FMN1: variants seen among roughly 807,000 people sequenced by gnomAD.
FMN1 encodes the protein formin-1.
A neutral mutation model predicts 132.4 loss-of-function variants in FMN1; 110 were observed. The ratio of observed to expected loss-of-function variants is 0.83; its 90% confidence interval spans 0.71 to 0.97. The LOEUF is 0.97. FMN1 is among the 50% of genes least tolerant of loss of function. The pLI, the probability that FMN1 is intolerant of heterozygous loss-of-function variation, is 0.00. For synonymous variants in FMN1, 722 were observed against 651.7 expected, an observed-to-expected ratio of 1.11 and a Z score of -1.64; for missense variants, 1,792 against 1,705.3, an observed-to-expected ratio of 1.05 and a Z score of -0.90.
At chr15:32,992,803 A>T (rs56284807) in intron 7 of FMN1, among the ~76,000 whole-genome samples, 3,283 of 152,300 alleles carry the variant, frequency 0.022, 127 homozygotes, top group African/African-American at 0.071. Context: ...AGACCATAAC[A>T]ATCAATAGTG....
At chr15:32,976,526 G>C (rs1278076735) in intron 7 of FMN1, among the ~76,000 whole-genome samples, 1 of 152,094 alleles carries the variant, frequency 6.6e-6, no homozygotes, top group African/African-American at 2.4e-5. Context: ...ATGGCATTGG[G>C]TTTGATGAGA....
chr15:32,846,979 C>G (rs4780043), intron 17 of FMN1, among the ~76,000 whole-genome samples: 10,358 of 152,160 alleles, frequency 0.068, 485 homozygotes, highest in Non-Finnish European at 0.11. Context: ...AAAGAAAGAG[C>G]CTGACTGACT....
At chr15:32,822,532 C>G (rs961068760) in intron 17 of FMN1, among the ~76,000 whole-genome samples, 3 of 151,880 alleles carry the variant, frequency 2.0e-5, no homozygotes, top group African/African-American at 7.3e-5. Context: ...TTTCCTGCAT[C>G]CAGTGTTGCT....
chr15:33,126,431 A>G (rs867720895), intron 4 of FMN1, among the ~76,000 whole-genome samples: 1 of 152,038 alleles, frequency 6.6e-6, no homozygotes, highest in Non-Finnish European at 1.5e-5. Flanking sequence ...GTGAGAGGAG[A>G]AGGTGGGTGC....
At position 33,052,544 on chromosome 15, in the gene FMN1, A is replaced by ACAATT. The variant is rs375986535; in HGVS notation, c.2161+12408_2161+12412dup. Among the ~76,000 whole-genome samples the ACAATT allele has an allele frequency of 3.9e-3, 594 of 152,282 alleles. 5 individuals carry two copies. Among genetic ancestry groups the ACAATT allele is most frequent in the African/African-American group, 0.013 (527 of 41,546 alleles). ...TTCTCTGATGTCAACTGGGTGTCCT[A>ACAATT]CAATTCAATTCAATTCAATTCAATT... is the stretch of plus-strand genomic sequence containing the variant. On this transcript the variant is annotated intron_variant, in intron 6 of 20. Coordinates refer to ENST00000616417, the MANE Select transcript of FMN1 (RefSeq NM_001277313.2).
At chr15:33,050,990 A>T (rs1410607595) in intron 6 of FMN1, among the ~76,000 whole-genome samples, 5 of 152,174 alleles carry the variant, frequency 3.3e-5, no homozygotes, top group Non-Finnish European at 7.3e-5. Flanking sequence ...ACTTGTGTGG[A>T]AATATTTTGT....
At position 32,909,146 on chromosome 15, in the gene FMN1, G is replaced by T. The variant is rs1286038273; in HGVS notation, c.3289-568C>A. Among the ~76,000 whole-genome samples the T allele has an allele frequency of 2.6e-5, 4 of 152,126 alleles. No homozygotes were observed. In the East Asian group the frequency reaches 7.7e-4, roughly 29 times the overall value. Reference sequence around the variant, plus strand: ...TTATCTCTACTGTGAGCTAACAAGCGGCAACCATGTGCTTAGTCCTGAGCT... The same window carrying T: ...TTATCTCTACTGTGAGCTAACAAGCTGCAACCATGTGCTTAGTCCTGAGCT... On this transcript the variant is annotated intron_variant, in intron 11 of 20. Transcript: ENST00000616417.
At chr15:33,043,443 A>G (rs551270355) in intron 6 of FMN1, among the ~76,000 whole-genome samples, 4 of 152,164 alleles carry the variant, frequency 2.6e-5, no homozygotes, top group Admixed American at 1.3e-4. Context: ...TTTCCTGTAC[A>G]TCACTTGCCT....
intron 3 of FMN1, among the ~76,000 whole-genome samples, chr15:33,175,161 G>A (rs1484842760): frequency 6.6e-6 from 1 of 152,166 alleles, no homozygotes; most frequent in African/African-American, 2.4e-5. Flanking sequence ...AAGTAGCTGG[G>A]ACTACAGGGG....
At chr15:32,915,216 A>G (rs2060655657) in intron 10 of FMN1, among the ~76,000 whole-genome samples, 1 of 152,188 alleles carries the variant, frequency 6.6e-6, no homozygotes, top group Non-Finnish European at 1.5e-5. Context: ...TTACATGTAC[A>G]TAATCCCATG....
At chr15:32,940,545 T>C (rs891722253) in intron 9 of FMN1, among the ~76,000 whole-genome samples, 4 of 152,046 alleles carry the variant, frequency 2.6e-5, no homozygotes, top group Admixed American at 6.6e-5. Context: ...TATTCTCAGG[T>C]ATACGATCCT....
chr15:33,075,314 A>G (rs1313089187), intron 5 of FMN1, among the ~76,000 whole-genome samples: 1 of 152,166 alleles, frequency 6.6e-6, no homozygotes, highest in East Asian at 1.9e-4. Context: ...TGTTTTTAGC[A>G]TTCTCATTAT....
chr15:33,144,637 GA>G (rs10606867), intron 4 of FMN1, among the ~76,000 whole-genome samples: 38,762 of 101,032 alleles, frequency 0.38, 6,453 homozygotes, highest in South Asian at 0.5. Flanking sequence ...GACTCCGTCT[GA>G]AAAAAAAAAA....
intron 9 of FMN1, among the ~76,000 whole-genome samples, chr15:32,953,095 T>C (rs990036930): frequency 3.3e-5 from 5 of 152,144 alleles, no homozygotes; most frequent in African/African-American, 1.2e-4. Flanking sequence ...ATGATTTGAT[T>C]CACCCGCTCT....
chr15:32,989,469 C>T (rs1280862219), intron 7 of FMN1, among the ~76,000 whole-genome samples: 1 of 152,114 alleles, frequency 6.6e-6, no homozygotes, highest in Non-Finnish European at 1.5e-5. Flanking sequence ...TAAAAGCATG[C>T]TGGAGGGAAA....
chr15:32,963,439 T>A (rs2030826460), intron 9 of FMN1, among the ~76,000 whole-genome samples: 1 of 151,958 alleles, frequency 6.6e-6, no homozygotes, highest in Admixed American at 6.5e-5. Context: ...GGCACATGTA[T>A]ACATATGTAA....
chr15:32,876,630 G>A (rs1218443697), intron 16 of FMN1, among the ~76,000 whole-genome samples: 2 of 152,316 alleles, frequency 1.3e-5, no homozygotes, highest in East Asian at 3.9e-4. Context: ...AAAAATTAAA[G>A]TGTATTGTTT....
chr15:32,901,771 G>T, intron 13 of FMN1, 140 bp downstream of exon 13: 3 of 593,230 alleles, frequency 5.1e-6, no homozygotes, highest in Non-Finnish European at 8.0e-6. Flanking sequence ...ACACGGGCAA[G>T]ATAATCATCA....
chr15:32,989,349 G>A (rs2033288332), intron 7 of FMN1, among the ~76,000 whole-genome samples: 1 of 152,194 alleles, frequency 6.6e-6, no homozygotes, highest in Admixed American at 6.5e-5. Context: ...AATTTCCGAG[G>A]AGGAAGCCTT....
Sources: gnomAD v4.1 joint callset for allele counts (sites outside exome capture counted in the v4.1 genomes callset) on GRCh38, gnomAD v4.1.1 for gene constraint, MANE v1.5 for transcripts, NCBI Gene and HGNC (gene_info 2026-07-23, HGNC 2026-07-21) for gene names.